The following BEND5 variants were observed in gnomAD, a reference collection of about 807,000 sequenced individuals.
The protein encoded by BEND5 is BEN domain-containing protein 5.
BEND5 carries 22 observed loss-of-function variants against 43.9 expected under a neutral mutation model. The observed-to-expected ratio is 0.50, with a 90% CI of 0.36 to 0.72. The LOEUF is 0.72. Ranked by LOEUF, BEND5 falls within the 30% of genes least tolerant of loss-of-function variation. The pLI is 0.00. For missense variants in BEND5, 428 were observed against 550.6 expected, an observed-to-expected ratio of 0.78 and a Z score of 2.23; for synonymous variants, 228 against 225.9, an observed-to-expected ratio of 1.01 and a Z score of -0.08.
intron 1 of BEND5, among the ~76,000 whole-genome samples, chr1:48,771,242 G>C (rs1036352613): frequency 6.6e-6 from 1 of 152,114 alleles, no homozygotes; most frequent in Non-Finnish European, 1.5e-5. Context: ...CACAACTTCT[G>C]TCCCTAAGGA....
At chr1:48,766,451 C>A (rs777479580) in intron 1 of BEND5, among the ~76,000 whole-genome samples, 4 of 152,264 alleles carry the variant, frequency 2.6e-5, no homozygotes, top group Non-Finnish European at 4.4e-5. Context: ...AGCAGAAGAC[C>A]ACTTGACTCC....
intron 1 of BEND5, among the ~76,000 whole-genome samples, chr1:48,769,666 T>C (rs1187379368): frequency 6.6e-6 from 1 of 152,134 alleles, no homozygotes; most frequent in Non-Finnish European, 1.5e-5. Flanking sequence ...AGCAAGTCAC[T>C]GTTCTTCTCT....
chr1:48,751,292 C>T (rs891928722), intron 3 of BEND5, among the ~76,000 whole-genome samples: 5 of 152,180 alleles, frequency 3.3e-5, no homozygotes, highest in African/African-American at 1.2e-4. Context: ...AAGGGTCCTG[C>T]AGTCACAGAA....
chr1:48,771,208 T>C (rs1009293881), intron 1 of BEND5, among the ~76,000 whole-genome samples: 1 of 152,194 alleles, frequency 6.6e-6, no homozygotes, highest in African/African-American at 2.4e-5. Context: ...AGATTACGAA[T>C]GTTCTTCTGG....
Position 48,776,616 on chromosome 1 carries a change from C to A in BEND5, c.216G>T (p.Leu72=), listed in dbSNP as rs772033969. 85 of 1,444,860 alleles carry A rather than the reference C, an allele frequency of 5.9e-5. No homozygotes were observed. The African/African-American group carries it at 1.1e-3, about 19-fold the overall frequency. 89.5% of individuals were successfully genotyped at this position (1,444,860 alleles called of 1,614,324 possible). ...GALLLHKAQI[L]ALAEDKSDLE... ...CGCCCGCTTGCTCACCTGCCAGCGC[C>A]AGGATCTGGGCCTTGTGGAGCAACA... The change falls in exon 1 of 6, where the codon CTG becomes CTT. Residue 72 remains leucine, a synonymous_variant. Coordinates refer to ENST00000371833, the MANE Select transcript of BEND5 (RefSeq NM_024603.4).
At chr1:48,750,240 A>G (rs1004666625) in intron 3 of BEND5, among the ~76,000 whole-genome samples, 1 of 152,168 alleles carries the variant, frequency 6.6e-6, no homozygotes, top group Non-Finnish European at 1.5e-5. Context: ...CCAATGGGGA[A>G]GTGCCCCCAT....
At chr1:48,772,498 A>C (rs916322982) in intron 1 of BEND5, among the ~76,000 whole-genome samples, 16 of 152,204 alleles carry the variant, frequency 1.1e-4, no homozygotes, top group Admixed American at 1.0e-3. Flanking sequence ...GTGTGTTCAC[A>C]GAAGAGTAAA....
Position 48,776,572 on chromosome 1 carries a change from G to A in BEND5, c.226+34C>T, listed in dbSNP as rs778683598. ...CCTCCCGGGGTCCCAGCCCCCGCCCGGGTCCCACCGTCCCTCCCCGCCCGC... is the reference window on the plus strand; with the variant it reads ...CCTCCCGGGGTCCCAGCCCCCGCCCAGGTCCCACCGTCCCTCCCCGCCCGC... On this transcript the variant is annotated intron_variant, in intron 1 of 5. Coordinates refer to ENST00000371833, the MANE Select transcript of BEND5 (RefSeq NM_024603.4). 32 of 580,048 alleles carry A rather than the reference G, an allele frequency of 5.5e-5. 1 individual carries two copies. The South Asian group carries it at 6.9e-4, about 13-fold the overall frequency. The allele number at this position is 580,048 out of a possible 1,614,324, so 35.9% of individuals were successfully genotyped here. A position where few individuals can be genotyped will look rare whatever the true frequency, so the allele number is the denominator to read the frequency against.
intron 3 of BEND5, among the ~76,000 whole-genome samples, chr1:48,747,269 C>T (rs1650920310): frequency 6.6e-6 from 1 of 152,104 alleles, no homozygotes; most frequent in African/African-American, 2.4e-5. Context: ...GGCTTTGATC[C>T]ATTTGCATTC....
rs565530672 is a variant in BEND5 at position 48,727,880 on chromosome 1, CAA to C, written c.*4_*5del. 2,787 of 1,599,672 alleles carry C rather than the reference CAA, an allele frequency of 1.7e-3. 5 individuals carry two copies. The highest frequency in any genetic ancestry group is 2.2e-3 in the Non-Finnish European group (2,621 of 1,169,822). On this transcript the variant is annotated 3_prime_UTR_variant, in exon 6 of 6. Coordinates refer to ENST00000371833, the MANE Select transcript of BEND5 (RefSeq NM_024603.4). ...AAACACGAAAGCTTTATGAAAAATC[CAA>C]AGTTTATTGCAAATTGTATTTTGCT...
intron 1 of BEND5, among the ~76,000 whole-genome samples, chr1:48,764,139 A>T (rs1644413663): frequency 6.6e-6 from 1 of 152,232 alleles, no homozygotes; most frequent in Non-Finnish European, 1.5e-5. Context: ...AATTTGAATA[A>T]GGGAGAAGTA....
At chr1:48,750,603 A>AG (rs1557943909) in intron 3 of BEND5, among the ~76,000 whole-genome samples, 1 of 152,186 alleles carries the variant, frequency 6.6e-6, no homozygotes, top group Non-Finnish European at 1.5e-5. Flanking sequence ...TAAGGTGGCA[A>AG]GGGGGGCTTA....
intron 3 of BEND5, among the ~76,000 whole-genome samples, chr1:48,746,097 T>C (rs1193609630): frequency 1.3e-5 from 2 of 152,198 alleles, no homozygotes; most frequent in Admixed American, 1.3e-4. Flanking sequence ...TTAACCTCTC[T>C]GATCTTGTTG....
rs765034126 is a variant in BEND5 at position 48,736,107 on chromosome 1, G to A, written c.1108+132C>T. 6 of 994,166 alleles carry A rather than the reference G, an allele frequency of 6.0e-6. No individual in the cohort carries two copies. In the South Asian group the frequency reaches 9.3e-5, roughly 15 times the overall value. The allele number at this position is 994,166 out of a possible 1,614,324, so 61.6% of individuals were successfully genotyped here. ...GGGGCATTTGGGTTATCCGCTTGGT[G>A]TCCCCGGGCTCAGCCCAGGGTCTGG... On this transcript the variant is annotated intron_variant, in intron 5 of 5. Transcript: ENST00000371833. The surrounding 1 kb of genome is among the most constrained non-coding windows in gnomAD (Gnocchi z 4.0).
chr1:48,728,146 T>TA, intron 5 of BEND5, 103 bp from the exon 6 acceptor site: 1 of 1,048,226 alleles, frequency 9.5e-7, no homozygotes, highest in Non-Finnish European at 1.4e-6. Flanking sequence ...ACTTCCCAAA[T>TA]ACCAGCTTAT....
intron 1 of BEND5, among the ~76,000 whole-genome samples, chr1:48,762,132 G>C (rs1644286441): frequency 6.6e-6 from 1 of 152,214 alleles, no homozygotes; most frequent in African/African-American, 2.4e-5. Context: ...CCCAGAGGAT[G>C]GAAGAGGCTT....
chr1:48,756,371 G>T (rs552302832), intron 3 of BEND5, among the ~76,000 whole-genome samples: 12 of 152,304 alleles, frequency 7.9e-5, no homozygotes, highest in African/African-American at 2.9e-4. Flanking sequence ...TGGCATTTAT[G>T]TACTGTGCTG....
Position 48,728,913 on chromosome 1 carries a change from G to C in BEND5, c.1109-870C>G, listed in dbSNP as rs564150214. Among the ~76,000 whole-genome samples the C allele has an allele frequency of 2.0e-5, 3 of 152,294 alleles. No homozygotes were observed. In the South Asian group the frequency reaches 6.2e-4, roughly 32 times the overall value. On this transcript the variant is annotated intron_variant, in intron 5 of 5. Coordinates refer to ENST00000371833, the MANE Select transcript of BEND5 (RefSeq NM_024603.4). Reference sequence around the variant, plus strand: ...GGTGGGTGTGAAGTAGTGTCTCACTGCTGTGATTACTAATGAGGCTCAGTA... The same window carrying C: ...GGTGGGTGTGAAGTAGTGTCTCACTCCTGTGATTACTAATGAGGCTCAGTA...
chr1:48,742,549 T>A, intron 4 of BEND5, 74 bp downstream of exon 4: 1 of 1,337,624 alleles, frequency 7.5e-7, no homozygotes, highest in South Asian at 2.5e-5. Flanking sequence ...TTTGGAAAGC[T>A]CCCACCATAC....
Sources: gnomAD v4.1 joint callset for allele counts (sites outside exome capture counted in the v4.1 genomes callset) on GRCh38, gnomAD v4.1.1 for gene constraint, Gnocchi (gnomAD v3.1) non-coding constraint, MANE v1.5 for transcripts, NCBI Gene and HGNC (gene_info 2026-07-23, HGNC 2026-07-21) for gene names.